The following AS3MT variants were observed in gnomAD, a reference collection of about 807,000 sequenced individuals.
The protein encoded by AS3MT is S-adenosyl-L-methionine:arsenic(III) methyltransferase.
AS3MT carries 47 observed loss-of-function variants against 45.3 expected under a neutral mutation model. That is an observed-to-expected ratio of 1.04 (90% confidence interval 0.82 to 1.32). The LOEUF (loss-of-function observed/expected upper bound fraction) is 1.32. Among genes scored for constraint, AS3MT ranks in the 40% most tolerant of loss-of-function variants. The pLI, the probability that AS3MT is intolerant of heterozygous loss-of-function variation, is 0.00. For synonymous variants in AS3MT, 141 were observed against 152.8 expected (o/e 0.92, Z 0.57); for missense variants, 396 against 451.1 (o/e 0.88, Z 1.11).
In AS3MT at chr10:102,878,416, T is replaced by G; in HGVS notation, c.648T>G (p.Leu216=). The change falls in exon 8 of 11, where the codon CTT becomes CTG. Residue 216 remains leucine (L), a synonymous_variant. Transcript: ENST00000369880. Reference sequence around the variant, plus strand: ...GTGGTGCTTTATACTGGAAGGAACTTGCTGTCCTTGCTCAAAAAATTGGGT... The same window carrying G: ...GTGGTGCTTTATACTGGAAGGAACTGGCTGTCCTTGCTCAAAAAATTGGGT... ...CLGGALYWKE[L]AVLAQKIGFC... The G allele has an allele frequency of 1.2e-6, 2 of 1,614,194 alleles. No homozygotes were observed. Among genetic ancestry groups the G allele is most frequent in the Non-Finnish European group, 1.7e-6 (2 of 1,180,030 alleles).
intron 3 of AS3MT, among the ~76,000 whole-genome samples, chr10:102,871,817 G>T (rs1000509751): frequency 1.1e-4 from 17 of 152,104 alleles, no homozygotes; most frequent in Non-Finnish European, 1.5e-5. Context: ...AATAACTAGC[G>T]CAGTCCTGGG....
chr10:102,893,081 C>T lies in AS3MT; in HGVS notation c.1020+2403C>T, dbSNP rs1234545994. Among the ~76,000 whole-genome samples the T allele has an allele frequency of 6.1e-5, 9 of 146,960 alleles. 1 individual carries two copies. The South Asian group carries it at 6.4e-4, about 10-fold the overall frequency. ...CACAAAAAAAAAAACTGTAGCACAA[C>T]GGAAGTCTCTAAATTCCTTAGCTTA... On this transcript the variant is annotated intron_variant, in intron 10 of 10. Coordinates refer to ENST00000369880, the MANE Select transcript of AS3MT (RefSeq NM_020682.4).
chr10:102,896,255 C>T (rs567128611), intron 10 of AS3MT, among the ~76,000 whole-genome samples: 8 of 149,774 alleles, frequency 5.3e-5, no homozygotes, highest in African/African-American at 2.0e-4. Flanking sequence ...TCGTTTTGAG[C>T]CCGGGATGTG....
intron 9 of AS3MT, among the ~76,000 whole-genome samples, chr10:102,879,290 C>T (rs547953301): frequency 6.6e-6 from 1 of 152,206 alleles, no homozygotes; most frequent in South Asian, 2.1e-4. Context: ...TTCTGAGTAG[C>T]TAGGACTACA....
intron 10 of AS3MT, among the ~76,000 whole-genome samples, chr10:102,896,838 C>A (rs1480128270): frequency 1.3e-5 from 2 of 150,692 alleles, no homozygotes; most frequent in Non-Finnish European, 3.0e-5. Context: ...GATTTACTTT[C>A]TTTGCTTTAT....
chr10:102,872,330 G>C lies in AS3MT; in HGVS notation c.171-118G>C. On this transcript the variant is annotated intron_variant, in intron 3 of 10. Transcript: ENST00000369880. ...TCAGAAGTATGAGTGAATGATGCAAGAAAGAAGGAAGGAAGGAAGGAACGG... is the reference window on the plus strand; with the variant it reads ...TCAGAAGTATGAGTGAATGATGCAACAAAGAAGGAAGGAAGGAAGGAACGG... 20 of 1,103,202 alleles carry C rather than the reference G, an allele frequency of 1.8e-5. 1 individual carries two copies. The South Asian group carries it at 2.7e-4, about 15-fold the overall frequency. The allele number at this position is 1,103,202 out of a possible 1,614,324, so 68.3% of individuals were successfully genotyped here.
rs762851680 is a variant in AS3MT at position 102,873,116 on chromosome 10, A to T, written c.341A>T (p.Tyr114Phe). ...TKGQVEVAEK[Y>F]LDYHMEKYGF... ...CTTTAGGTGGAAGTGGCTGAAAAGT[A>T]TCTTGACTATCACATGGAAAAATAT... The change falls in exon 5 of 11, where the codon TAT becomes TTT. Residue 114 changes from tyrosine to phenylalanine, a missense_variant. Transcript: ENST00000369880. 6.3e-7 allele frequency: 1 copy of T among 1,594,270 alleles called. No individual in the cohort carries two copies. The highest frequency in any genetic ancestry group is 1.4e-5 in the African/African-American group (1 of 73,724).
rs1464218013 is a variant in AS3MT at position 102,881,136 on chromosome 10, T to C, written c.885+2145T>C. On this transcript the variant is annotated intron_variant, in intron 9 of 10. Transcript: ENST00000369880. This position sits in a 1 kb window ranked among gnomAD's most constrained non-coding sequence, Gnocchi z 4.2. ...TTCTGGGCAGTCATTCGTTTCATCC[T>C]ATGAATGCCATGGTGAGGGAAACAG... Among the ~76,000 whole-genome samples the C allele has an allele frequency of 6.6e-6, 1 of 152,262 alleles. No individual in the cohort carries two copies. The highest frequency in any genetic ancestry group is 1.5e-5 in the Non-Finnish European group (1 of 68,050).
intron 10 of AS3MT, among the ~76,000 whole-genome samples, chr10:102,891,948 C>CAAAAGAAAAAAA (rs1845077411): frequency 1.7e-5 from 1 of 57,844 alleles, no homozygotes; most frequent in African/African-American, 6.9e-5. Context: ...GACTCTGTCT[C>CAAAAGAAAAAAA]AAAAAAAAAA....
intron 9 of AS3MT, among the ~76,000 whole-genome samples, chr10:102,886,773 T>C (rs796200774): frequency 9.9e-5 from 15 of 152,246 alleles, no homozygotes; most frequent in African/African-American, 3.6e-4. Flanking sequence ...AAGGCTACCA[T>C]GCCTGGCTGA....
intron 10 of AS3MT, among the ~76,000 whole-genome samples, chr10:102,895,241 AGGCTGGAGTGCAGT>A (rs1182778753): frequency 6.6e-6 from 1 of 150,662 alleles, no homozygotes; most frequent in African/African-American, 2.4e-5. Context: ...TCTATCACCC[AGGCTGGAGTGCAGT>A]GGCACGATCT....
At chr10:102,876,929 T>A (rs1211925409) in intron 6 of AS3MT, 25 bp from the exon 7 acceptor site, 1 of 1,608,562 alleles carries the variant, frequency 6.2e-7, no homozygotes, top group East Asian at 2.2e-5. Context: ...ATCATCTTGT[T>A]TGGACTAATA....
chr10:102,896,808 CAAA>C (rs71019628), intron 10 of AS3MT, among the ~76,000 whole-genome samples: 3 of 120,718 alleles, frequency 2.5e-5, no homozygotes, highest in Admixed American at 8.5e-5. Context: ...GACTCCATCT[CAAA>C]AAAAAAAAAA....
intron 10 of AS3MT, among the ~76,000 whole-genome samples, chr10:102,893,302 C>A (rs1845105486): frequency 6.6e-6 from 1 of 151,874 alleles, no homozygotes; most frequent in Admixed American, 6.6e-5. Flanking sequence ...CCATTCCCAT[C>A]TGGCCTAGAA....
chr10:102,895,597 T>G (rs1343555602), intron 10 of AS3MT, among the ~76,000 whole-genome samples: 1 of 152,166 alleles, frequency 6.6e-6, no homozygotes, highest in Non-Finnish European at 1.5e-5. Context: ...GTCTCTTAAA[T>G]CATGTGGAAA....
At chr10:102,886,808 G>C (rs535615098) in intron 9 of AS3MT, among the ~76,000 whole-genome samples, 1 of 152,206 alleles carries the variant, frequency 6.6e-6, no homozygotes, top group South Asian at 2.1e-4. Context: ...GTAGAGACAG[G>C]CTTTCACCAT....
At chr10:102,894,964 T>C (rs1464766013) in intron 10 of AS3MT, among the ~76,000 whole-genome samples, 1 of 152,228 alleles carries the variant, frequency 6.6e-6, no homozygotes, top group Admixed American at 6.5e-5. Context: ...AACCAAGTTA[T>C]AGGGTGACCA....
intron 5 of AS3MT, 148 bp from the exon 6 acceptor site, chr10:102,874,444 A>G (rs1481266755): frequency 5.0e-6 from 3 of 597,710 alleles, no homozygotes; most frequent in Non-Finnish European, 9.0e-6. Flanking sequence ...GGAAAAGCTT[A>G]GTTGAAGGCA....
At chr10:102,889,518 A>T (rs551589489) in intron 9 of AS3MT, among the ~76,000 whole-genome samples, 1 of 152,098 alleles carries the variant, frequency 6.6e-6, no homozygotes, top group African/African-American at 2.4e-5. Flanking sequence ...TATCTTGGTT[A>T]TTGTGATTAA....
Sources: allele counts gnomAD v4.1 joint callset (sites outside exome capture counted in the v4.1 genomes callset), GRCh38; gene constraint gnomAD v4.1.1; non-coding constraint Gnocchi (gnomAD v3.1); transcripts MANE v1.5; gene names NCBI Gene and HGNC (gene_info 2026-07-23, HGNC 2026-07-21).